The following HOMER1 variants were observed in gnomAD, a reference collection of about 807,000 sequenced individuals.
HOMER1 encodes homer scaffold protein 1, also known as homer protein homolog 1.
HOMER1 carries 3 observed loss-of-function variants against 48.9 expected under a neutral mutation model. The observed-to-expected ratio is 0.06, with a 90% confidence interval of 0.03 to 0.16. The LOEUF (loss-of-function observed/expected upper bound fraction) is 0.16, where lower values mean the gene tolerates loss of function less well. Ranked by LOEUF, HOMER1 falls within the 10% of genes least tolerant of loss-of-function variation. The pLI, the probability that HOMER1 is intolerant of heterozygous loss-of-function variation, is 1.00. For missense variants in HOMER1, 247 were observed against 411.4 expected, an observed-to-expected ratio of 0.60 and a Z score of 3.46; for synonymous variants, 134 against 146.4, an observed-to-expected ratio of 0.92 and a Z score of 0.61.
In HOMER1 at chr5:79,494,896, T is replaced by C. The variant is rs142632058; in HGVS notation, c.5+17874A>G. 4.2e-3 allele frequency among the ~76,000 whole-genome samples: 642 copies of C among 152,298 alleles called. 3 individuals carry two copies. Among genetic ancestry groups the C allele is most frequent in the African/African-American group, 0.015 (613 of 41,570 alleles). On this transcript the variant is annotated intron_variant, in intron 1 of 8. Transcript: ENST00000334082. Reference sequence around the variant, plus strand: ...CTCCAAGTCCAAAACTTCCTCCATATTGCAGCCTGAGTAGTTGATCTAAAA... The same window carrying C: ...CTCCAAGTCCAAAACTTCCTCCATACTGCAGCCTGAGTAGTTGATCTAAAA...
At chr5:79,460,906 G>A (rs1751302080) in intron 1 of HOMER1, among the ~76,000 whole-genome samples, 1 of 152,180 alleles carries the variant, frequency 6.6e-6, no homozygotes, top group South Asian at 2.1e-4. Context: ...TAACTGAAAA[G>A]AAGACAGTCC....
chr5:79,456,027 C>T (rs191763878), intron 2 of HOMER1, among the ~76,000 whole-genome samples: 85 of 151,766 alleles, frequency 5.6e-4, no homozygotes, highest in Non-Finnish European at 9.7e-4. Flanking sequence ...TGGAGGCGCA[C>T]GCCTGTAATA....
At chr5:79,444,030 T>C (rs1226477443) in intron 4 of HOMER1, among the ~76,000 whole-genome samples, 1 of 152,204 alleles carries the variant, frequency 6.6e-6, no homozygotes, top group Non-Finnish European at 1.5e-5. Context: ...AACAAAAGCT[T>C]TGACCAACCA....
At chr5:79,479,856 T>C (rs1473090357) in intron 1 of HOMER1, among the ~76,000 whole-genome samples, 1 of 152,238 alleles carries the variant, frequency 6.6e-6, no homozygotes, top group Non-Finnish European at 1.5e-5. Context: ...AGTGATAGAA[T>C]TACCGAAAAC....
At chr5:79,441,924 G>A (rs912221117) in intron 4 of HOMER1, among the ~76,000 whole-genome samples, 1 of 150,956 alleles carries the variant, frequency 6.6e-6, no homozygotes, top group African/African-American at 2.4e-5. Context: ...AATCTAAATT[G>A]TGTGTAATTT....
intron 1 of HOMER1, among the ~76,000 whole-genome samples, chr5:79,474,145 C>A (rs917577655): frequency 1.3e-5 from 2 of 151,758 alleles, no homozygotes; most frequent in African/African-American, 4.8e-5. Context: ...CTAAGTGATC[C>A]TATCCAGTCA....
intron 1 of HOMER1, among the ~76,000 whole-genome samples, chr5:79,491,438 C>CAAAAA (rs56778843): frequency 5.2e-5 from 3 of 57,678 alleles, no homozygotes; most frequent in African/African-American, 2.1e-4. Context: ...GACCTTGTCT[C>CAAAAA]AAAAAAAAAA....
Position 79,375,345 on chromosome 5 carries a change from T to C in HOMER1, c.*664A>G, listed in dbSNP as rs1036418093. 2.6e-5 allele frequency: 4 copies of C among 152,118 alleles called. No homozygotes were observed. The highest frequency in any genetic ancestry group is 9.6e-5 in the African/African-American group (4 of 41,532). The allele number at this position is 152,118 out of a possible 1,614,324, so 9.4% of individuals were successfully genotyped here. Reference sequence around the variant, plus strand: ...GGAATCAATATGGAAAAGTAAACTATACAACAGACAAGATTAGAGAACACC... The same window carrying C: ...GGAATCAATATGGAAAAGTAAACTACACAACAGACAAGATTAGAGAACACC... On this transcript the variant is annotated 3_prime_UTR_variant, in exon 9 of 9. Transcript: ENST00000334082.
chr5:79,495,449 C>G (rs1423566065), intron 1 of HOMER1, among the ~76,000 whole-genome samples: 1 of 152,210 alleles, frequency 6.6e-6, no homozygotes, highest in African/African-American at 2.4e-5. Context: ...GTGGGCACTT[C>G]CTTCTCTGTG....
At position 79,374,760 on chromosome 5, in the gene HOMER1, T is replaced by G. The variant is rs1004571969; in HGVS notation, c.*1249A>C. On this transcript the variant is annotated 3_prime_UTR_variant, in exon 9 of 9. Transcript: ENST00000334082. ...ATATATCATATAAAGAAATGCATGT[T>G]TGCTAAAAGTCTTTTAAAATTACAT... 4 of 152,086 alleles carry G rather than the reference T, an allele frequency of 2.6e-5. No homozygotes were observed. Among genetic ancestry groups the G allele is most frequent in the African/African-American group, 9.7e-5 (4 of 41,446 alleles). 9.4% of individuals were successfully genotyped at this position (152,086 alleles called of 1,614,324 possible).
intron 1 of HOMER1, among the ~76,000 whole-genome samples, chr5:79,495,885 G>A (rs574742902): frequency 1.5e-4 from 23 of 152,166 alleles, no homozygotes; most frequent in East Asian, 5.8e-4. Context: ...CTAAGGGCTC[G>A]GTGATTCTGG....
chr5:79,466,520 T>TA (rs1751469595), intron 1 of HOMER1, among the ~76,000 whole-genome samples: 1 of 151,084 alleles, frequency 6.6e-6, no homozygotes. Flanking sequence ...ATAATAATAA[T>TA]AATAAATAAA....
intron 5 of HOMER1, among the ~76,000 whole-genome samples, chr5:79,408,089 T>C (rs1749713744): frequency 6.6e-6 from 1 of 152,148 alleles, no homozygotes. Context: ...CAGGTATGTA[T>C]CTACAGAAAA....
At chr5:79,402,774 T>C (rs115742042) in intron 5 of HOMER1, among the ~76,000 whole-genome samples, 116 of 152,330 alleles carry the variant, frequency 7.6e-4, no homozygotes, top group African/African-American at 2.7e-3. Flanking sequence ...AATGAAAACA[T>C]ATGAGGATGC....
intron 5 of HOMER1, among the ~76,000 whole-genome samples, chr5:79,411,847 A>G (rs1437318470): frequency 6.6e-6 from 1 of 152,164 alleles, no homozygotes; most frequent in Non-Finnish European, 1.5e-5. Flanking sequence ...AGCTGGGTGG[A>G]GTGGCTCATG....
chr5:79,457,037 A>G lies in HOMER1; in HGVS notation c.6-19T>C. On this transcript the variant is annotated intron_variant, in intron 1 of 8. Transcript: ENST00000334082. Reference sequence around the variant, plus strand: ...TTGTTCCCTGCAGGGCAGAAAAGAAAATGATGGACTGAAAGCAGCCAGTTT... The same window carrying G: ...TTGTTCCCTGCAGGGCAGAAAAGAAGATGATGGACTGAAAGCAGCCAGTTT... The G allele has an allele frequency of 6.2e-7, 1 of 1,613,220 alleles. No homozygotes were observed. Among genetic ancestry groups the G allele is most frequent in the African/African-American group, 1.3e-5 (1 of 75,024 alleles).
intron 1 of HOMER1, among the ~76,000 whole-genome samples, chr5:79,460,873 G>C (rs1751301201): frequency 6.6e-6 from 1 of 152,320 alleles, no homozygotes; most frequent in Admixed American, 6.5e-5. Flanking sequence ...AGGAATCTGA[G>C]TCTCCTGGGT....
intron 5 of HOMER1, among the ~76,000 whole-genome samples, chr5:79,413,378 T>C (rs944971297): frequency 2.0e-5 from 3 of 152,200 alleles, no homozygotes; most frequent in South Asian, 2.1e-4. Flanking sequence ...AGCCTAGTTA[T>C]ATAGGTCTCA....
intron 1 of HOMER1, among the ~76,000 whole-genome samples, chr5:79,489,973 C>A (rs1752224169): frequency 6.6e-6 from 1 of 152,204 alleles, no homozygotes; most frequent in Admixed American, 6.5e-5. Context: ...CTAGCAGAAA[C>A]TGGCTAGGTA....
Sources: allele counts gnomAD v4.1 joint callset (sites outside exome capture counted in the v4.1 genomes callset), GRCh38; gene constraint gnomAD v4.1.1; transcripts MANE v1.5; gene names NCBI Gene and HGNC (gene_info 2026-07-23, HGNC 2026-07-21).